The following CLNK variants were observed in gnomAD, a reference collection of about 807,000 sequenced individuals.
The protein encoded by CLNK is cytokine-dependent hematopoietic cell linker.
In CLNK, 74 loss-of-function variants were observed where a neutral mutation model predicts 68.6. The observed-to-expected ratio is 1.08, with a 90% CI of 0.89 to 1.31. CLNK has a LOEUF of 1.31. Among genes scored for constraint, CLNK ranks in the 50% most tolerant of loss-of-function variants. CLNK has a pLI of 0.00. For missense variants in CLNK, 553 were observed against 515.3 expected (o/e 1.07, Z -0.71); for synonymous variants, 198 against 172.2 (o/e 1.15, Z -1.17).
chr4:10,528,046 A>G (rs1379473699), intron 13 of CLNK, 30 bp downstream of exon 13: 2 of 1,265,854 alleles, frequency 1.6e-6, no homozygotes, highest in Non-Finnish European at 1.0e-6. Context: ...TATTAGTATT[A>G]GGGTAAGAAA....
intron 2 of CLNK, among the ~76,000 whole-genome samples, chr4:10,652,698 A>G (rs1280057085): frequency 2.6e-5 from 4 of 152,206 alleles, no homozygotes; most frequent in African/African-American, 7.2e-5. Flanking sequence ...GCAAATAACT[A>G]TCAGGAAACA....
At chr4:10,665,143 T>G (rs1724340434) in intron 2 of CLNK, among the ~76,000 whole-genome samples, 1 of 152,238 alleles carries the variant, frequency 6.6e-6, no homozygotes, top group South Asian at 2.1e-4. Flanking sequence ...GAAGCTAACA[T>G]TTGTGAAATG....
chr4:10,662,139 C>T (rs895938198), intron 2 of CLNK, among the ~76,000 whole-genome samples: 1 of 152,154 alleles, frequency 6.6e-6, no homozygotes, highest in African/African-American at 2.4e-5. Flanking sequence ...GCAGCATACA[C>T]AGTGTTGTCT....
intron 3 of CLNK, among the ~76,000 whole-genome samples, chr4:10,591,147 A>T (rs1041402287): frequency 6.6e-6 from 1 of 152,184 alleles, no homozygotes; most frequent in African/African-American, 2.4e-5. Context: ...GTGTCATCCT[A>T]GAGGTCGTGT....
intron 2 of CLNK, among the ~76,000 whole-genome samples, chr4:10,601,165 G>A (rs1357259978): frequency 6.6e-6 from 1 of 152,152 alleles, no homozygotes; most frequent in Non-Finnish European, 1.5e-5. Flanking sequence ...GTTCCAGGTG[G>A]CCAGGCTAGT....
At chr4:10,588,485 A>T (rs556071302) in intron 3 of CLNK, among the ~76,000 whole-genome samples, 4 of 152,326 alleles carry the variant, frequency 2.6e-5, no homozygotes, top group South Asian at 4.1e-4. Flanking sequence ...GTCTTCTGAC[A>T]TCTAAAAAGA....
intron 2 of CLNK, among the ~76,000 whole-genome samples, chr4:10,622,772 T>A (rs561111466): frequency 6.6e-6 from 1 of 152,344 alleles, no homozygotes; most frequent in Admixed American, 6.5e-5. Context: ...ACTGGGTGGT[T>A]TGAATAATAA....
chr4:10,616,319 C>T (rs1227656771), intron 2 of CLNK, among the ~76,000 whole-genome samples: 4 of 152,234 alleles, frequency 2.6e-5, no homozygotes, highest in Non-Finnish European at 4.4e-5. Flanking sequence ...GCTTTGTGGA[C>T]ACATTAGACT....
chr4:10,542,452 C>A (rs971691708), intron 8 of CLNK, among the ~76,000 whole-genome samples, 172 bp from the exon 9 acceptor site: 1 of 152,050 alleles, frequency 6.6e-6, no homozygotes, highest in Non-Finnish European at 1.5e-5. Flanking sequence ...TCTTTAGTTA[C>A]GTGGTCTTAT....
chr4:10,679,004 A>G (rs967617459), intron 1 of CLNK, among the ~76,000 whole-genome samples: 1 of 152,004 alleles, frequency 6.6e-6, no homozygotes, highest in Non-Finnish European at 1.5e-5. Flanking sequence ...ACTGAATTGG[A>G]AAAAAAACTA....
At chr4:10,601,091 C>T (rs1317525009) in intron 2 of CLNK, among the ~76,000 whole-genome samples, 1 of 152,160 alleles carries the variant, frequency 6.6e-6, no homozygotes, top group African/African-American at 2.4e-5. Flanking sequence ...AGCGAATAGG[C>T]AGGCATTCTT....
At chr4:10,579,037 G>C (rs1210889816) in intron 4 of CLNK, among the ~76,000 whole-genome samples, 1 of 152,216 alleles carries the variant, frequency 6.6e-6, no homozygotes, top group African/African-American at 2.4e-5. Context: ...AAGAGAACCA[G>C]GGATCAAACT....
At chr4:10,520,731 C>A in intron 15 of CLNK, 60 bp downstream of exon 15, 1 of 1,311,204 alleles carries the variant, frequency 7.6e-7, no homozygotes, top group Non-Finnish European at 1.1e-6. Flanking sequence ...AGTCACAGTG[C>A]CACAATATCA....
chr4:10,648,765 C>A (rs368583703), intron 2 of CLNK, among the ~76,000 whole-genome samples: 2 of 152,124 alleles, frequency 1.3e-5, no homozygotes, highest in African/African-American at 2.4e-5. Flanking sequence ...GACATTCATG[C>A]CCAAAGCTTG....
chr4:10,734,570 CT>C, the CLNK span, among the ~76,000 whole-genome samples: 1 of 152,330 alleles, frequency 6.6e-6, no homozygotes, highest in South Asian at 2.1e-4. Flanking sequence ...GACTAAATGA[CT>C]TGCAACTGTA....
chr4:10,560,955 G>T (rs2108820051), intron 7 of CLNK, among the ~76,000 whole-genome samples: 1 of 151,666 alleles, frequency 6.6e-6, no homozygotes, highest in East Asian at 2.0e-4. Flanking sequence ...AGAGTGAAGT[G>T]GCATGATCAC....
chr4:10,672,808 A>G (rs941767588), intron 1 of CLNK, among the ~76,000 whole-genome samples: 11 of 152,188 alleles, frequency 7.2e-5, no homozygotes, highest in African/African-American at 2.7e-4. Context: ...GTCTATTCCC[A>G]TCTCCATCTA....
In CLNK at chr4:10,558,463, C is replaced by A. The variant is rs557302428; in HGVS notation, c.400-11G>T. The stretch of plus-strand genomic sequence containing the variant: ...AATGGGTTTGTCCACCTGTACAAGA[C>A]AATGAGGCACCATTATCTCTTCAGT... On this transcript the variant is annotated splice_polypyrimidine_tract_variant and intron_variant, in intron 7 of 18. Coordinates refer to ENST00000226951, the MANE Select transcript of CLNK (RefSeq NM_052964.4). 5.6e-6 allele frequency: 9 copies of A among 1,612,508 alleles called. No individual in the cohort carries two copies. The highest frequency in any genetic ancestry group is 3.3e-5 in the Admixed American group (2 of 59,992).
At position 10,526,932 on chromosome 4, in the gene CLNK, G is replaced by C. The variant is rs959299930; in HGVS notation, c.650-1010C>G. On this transcript the variant is annotated intron_variant, in intron 13 of 18. Transcript: ENST00000226951. ...CCCAGCTGTGACCGTAAGTAATAAAGCTAAGGGTGCATACAGGCACCAACA... is the reference window on the plus strand; with the variant it reads ...CCCAGCTGTGACCGTAAGTAATAAACCTAAGGGTGCATACAGGCACCAACA... Among the ~76,000 whole-genome samples, 6 of 152,156 alleles carry C rather than the reference G, an allele frequency of 3.9e-5. No homozygotes were observed. The South Asian group carries it at 1.0e-3, about 26-fold the overall frequency.
Sources: allele counts gnomAD v4.1 joint callset (sites outside exome capture counted in the v4.1 genomes callset), GRCh38; gene constraint gnomAD v4.1.1; transcripts MANE v1.5; gene names NCBI Gene and HGNC (gene_info 2026-07-23, HGNC 2026-07-21).